Variants in ARSB observed in about 807,000 individuals in gnomAD.
ARSB encodes the protein N-acetylgalactosamine-4-sulfatase.
In ARSB, 41 loss-of-function variants were observed where a neutral mutation model predicts 50.9. That is an observed-to-expected ratio of 0.81 (90% CI 0.63 to 1.04). The LOEUF (loss-of-function observed/expected upper bound fraction) is 1.04, where lower values mean the gene tolerates loss of function less well. Ranked by LOEUF, ARSB falls within the 50% of genes least tolerant of loss-of-function variation. The pLI is 0.00. For missense variants in ARSB, 672 were observed against 693.3 expected, an observed-to-expected ratio of 0.97 and a Z score of 0.35; for synonymous variants, 269 against 284.8, an observed-to-expected ratio of 0.94 and a Z score of 0.56.
chr5:78,955,175 T>A (rs536856219), intron 4 of ARSB, 120 bp downstream of exon 4: 1 of 928,544 alleles, frequency 1.1e-6, no homozygotes, highest in Non-Finnish European at 1.7e-6. Context: ...GTCTCCACTA[T>A]TGCAGTTTGC....
At chr5:78,881,726 T>C (rs1332632811) in intron 5 of ARSB, among the ~76,000 whole-genome samples, 2 of 152,248 alleles carry the variant, frequency 1.3e-5, no homozygotes, top group African/African-American at 2.4e-5. Context: ...CAAGAGTACA[T>C]TGATACAGCC....
At chr5:78,942,468 T>C (rs1355722331) in intron 4 of ARSB, among the ~76,000 whole-genome samples, 2 of 152,204 alleles carry the variant, frequency 1.3e-5, no homozygotes, top group Admixed American at 1.3e-4. Flanking sequence ...GTCCCAGAGA[T>C]TCTGGTATGT....
intron 5 of ARSB, among the ~76,000 whole-genome samples, chr5:78,850,931 C>G (rs1745741021): frequency 6.6e-6 from 1 of 152,080 alleles, no homozygotes; most frequent in Non-Finnish European, 1.5e-5. Flanking sequence ...TTTATTGCGT[C>G]TATTTGATTC....
At chr5:78,971,067 G>A (rs141815627) in intron 1 of ARSB, among the ~76,000 whole-genome samples, 172 of 152,292 alleles carry the variant, frequency 1.1e-3, no homozygotes, top group African/African-American at 4.0e-3. Context: ...CGGGGTAAGA[G>A]CAATCCAGAC....
At chr5:78,956,583 A>G (rs554156227) in intron 3 of ARSB, among the ~76,000 whole-genome samples, 5 of 152,364 alleles carry the variant, frequency 3.3e-5, no homozygotes, top group African/African-American at 1.2e-4. Flanking sequence ...TTGAAAATAA[A>G]AGCCAGAGTC....
intron 6 of ARSB, among the ~76,000 whole-genome samples, chr5:78,838,315 G>A (rs1745037943): frequency 6.6e-6 from 1 of 152,188 alleles, no homozygotes; most frequent in Admixed American, 6.5e-5. Flanking sequence ...CAGGCATAGG[G>A]AAAAGCATAT....
chr5:78,874,526 A>G (rs1747397379), intron 5 of ARSB, among the ~76,000 whole-genome samples: 1 of 152,176 alleles, frequency 6.6e-6, no homozygotes, highest in African/African-American at 2.4e-5. Flanking sequence ...TTATATAAAG[A>G]TATTTGTATA....
intron 4 of ARSB, among the ~76,000 whole-genome samples, chr5:78,887,425 A>C (rs1748090619): frequency 6.6e-6 from 1 of 152,126 alleles, no homozygotes; most frequent in South Asian, 2.1e-4. Flanking sequence ...CCATGACCCA[A>C]ACACTTCCTA....
intron 6 of ARSB, among the ~76,000 whole-genome samples, chr5:78,817,879 C>T (rs1208570153): frequency 2.6e-5 from 4 of 152,108 alleles, no homozygotes; most frequent in Non-Finnish European, 5.9e-5. Flanking sequence ...GGCACAGTGG[C>T]TTACATCTGT....
chr5:78,928,255 C>T (rs1017400770), intron 4 of ARSB, among the ~76,000 whole-genome samples: 6 of 148,142 alleles, frequency 4.1e-5, no homozygotes, highest in Non-Finnish European at 8.9e-5. Context: ...GCTCGTGCCT[C>T]ATGATGTAAG....
At chr5:78,840,224 T>A (rs1000523768) in intron 5 of ARSB, among the ~76,000 whole-genome samples, 1 of 152,186 alleles carries the variant, frequency 6.6e-6, no homozygotes, top group South Asian at 2.1e-4. Flanking sequence ...TAAAAACAAT[T>A]TAAATCATTG....
chr5:78,881,245 A>T lies in ARSB; in HGVS notation c.1142+4339T>A, dbSNP rs183549131. Among the ~76,000 whole-genome samples the T allele has an allele frequency of 5.3e-5, 8 of 152,302 alleles. No individual in the cohort carries two copies. In the East Asian group the frequency reaches 1.5e-3, roughly 29 times the overall value. ...AGACTCTGTCTTAAAAAGAAAAAAA[A>T]AGAAAAAAGAAATACATGGAAGAAA... On this transcript the variant is annotated intron_variant, in intron 5 of 7. Transcript: ENST00000264914.
intron 4 of ARSB, among the ~76,000 whole-genome samples, chr5:78,952,002 A>G (rs1171609862): frequency 2.0e-5 from 3 of 152,222 alleles, no homozygotes; most frequent in Non-Finnish European, 4.4e-5. Context: ...ATTCATCAGT[A>G]TAATAAAAAT....
At chr5:78,892,248 CTTTT>C (rs34960858) in intron 4 of ARSB, among the ~76,000 whole-genome samples, 33 of 87,226 alleles carry the variant, frequency 3.8e-4, no homozygotes, top group Non-Finnish European at 6.2e-4. Context: ...ATTCTCTATT[CTTTT>C]TTTTTTTTTT....
chr5:78,781,989 T>G lies in ARSB; in HGVS notation c.1214-15A>C. On this transcript the variant is annotated splice_polypyrimidine_tract_variant and intron_variant, in intron 6 of 7. Transcript: ENST00000264914. Reference sequence around the variant, plus strand: ...GTTCCTGGGACCTGGGAAGAAATAGTTTGAAAGAATTAGATCACTGTTATT... The same window carrying G: ...GTTCCTGGGACCTGGGAAGAAATAGGTTGAAAGAATTAGATCACTGTTATT... 1 of 1,614,016 alleles carries G rather than the reference T, an allele frequency of 6.2e-7. No individual in the cohort carries two copies. The highest frequency in any genetic ancestry group is 8.5e-7 in the Non-Finnish European group (1 of 1,179,890).
intron 6 of ARSB, among the ~76,000 whole-genome samples, chr5:78,788,557 CT>C (rs1749156685): frequency 6.6e-6 from 1 of 152,192 alleles, no homozygotes; most frequent in Non-Finnish European, 1.5e-5. Flanking sequence ...TCTATAATAT[CT>C]GCTAAATATG....
chr5:78,815,690 A>T, intron 6 of ARSB: 1 of 1,031,304 alleles, frequency 9.7e-7, no homozygotes. Context: ...AGTAAGCTAC[A>T]TGTGCCATAT....
chr5:78,970,243 A>G (rs1752393971), intron 1 of ARSB, among the ~76,000 whole-genome samples: 1 of 151,884 alleles, frequency 6.6e-6, no homozygotes, highest in African/African-American at 2.4e-5. Context: ...AAAATAATAT[A>G]TCATAACAGG....
intron 5 of ARSB, among the ~76,000 whole-genome samples, chr5:78,867,582 T>C (rs960036891): frequency 2.0e-5 from 3 of 151,260 alleles, no homozygotes; most frequent in African/African-American, 4.8e-5. Context: ...CGGCAGGGTA[T>C]TCCAACAGAC....
Sources: allele counts gnomAD v4.1 joint callset (sites outside exome capture counted in the v4.1 genomes callset), GRCh38; gene constraint gnomAD v4.1.1; transcripts MANE v1.5; gene names NCBI Gene and HGNC (gene_info 2026-07-23, HGNC 2026-07-21).